The following MTR variants were observed in gnomAD, a reference collection of about 807,000 sequenced individuals.
MTR encodes methionine synthase.
In MTR, 84 loss-of-function variants were observed where a neutral mutation model predicts 154.8. The ratio of observed to expected loss-of-function variants is 0.54; its 90% confidence interval spans 0.45 to 0.65. The LOEUF (loss-of-function observed/expected upper bound fraction) is 0.65, where lower values mean the gene tolerates loss of function less well. Ranked by LOEUF, MTR falls within the 30% of genes least tolerant of loss-of-function variation. MTR has a pLI of 0.00. For synonymous variants in MTR, 554 were observed against 553.9 expected, an observed-to-expected ratio of 1.00 and a Z score of 0.00; for missense variants, 1,275 against 1,570.2, an observed-to-expected ratio of 0.81 and a Z score of 3.18.
chr1:236,810,608 C>G lies in MTR; in HGVS notation c.502+13C>G. 1 of 1,597,140 alleles carries G rather than the reference C, an allele frequency of 6.3e-7. No homozygotes were observed. Among genetic ancestry groups the G allele is most frequent in the Non-Finnish European group, 8.6e-7 (1 of 1,164,762 alleles). ...TATAGGAACATCAGTGAGTATTTAC[C>G]ACATATAATCATTGATCTTGGGGAA... On this transcript the variant is annotated intron_variant, in intron 5 of 32. Transcript: ENST00000366577.
rs886046246 is a variant in MTR, at chr1:236,901,789, C to G, written c.*4145C>G. 7 of 152,222 alleles carry G rather than the reference C, an allele frequency of 4.6e-5. No homozygotes were observed. Among genetic ancestry groups the G allele is most frequent in the Non-Finnish European group, 8.8e-5 (6 of 68,082 alleles). The allele number at this position is 152,222 out of a possible 1,614,324, so 9.4% of individuals were successfully genotyped here. ...ATTCATGAGGGCTCCACCTTCATGA[C>G]CTAATTACCTCCCAAAGATGCCATC... On this transcript the variant is annotated 3_prime_UTR_variant, in exon 33 of 33. Coordinates refer to ENST00000366577, the MANE Select transcript of MTR (RefSeq NM_000254.3).
chr1:236,801,561 G>A (rs765033178), intron 1 of MTR, among the ~76,000 whole-genome samples: 1 of 152,094 alleles, frequency 6.6e-6, no homozygotes, highest in Non-Finnish European at 1.5e-5. Flanking sequence ...TACTGGTTTG[G>A]GTTTTAAATT....
In MTR at chr1:236,808,788, T is replaced by C; in HGVS notation, c.409+15T>C. 1 of 1,613,132 alleles carries C rather than the reference T, an allele frequency of 6.2e-7. No homozygotes were observed. Among genetic ancestry groups the C allele is most frequent in the Non-Finnish European group, 8.5e-7 (1 of 1,179,094 alleles). Reference sequence around the variant, plus strand: ...TCTCCAGACAGGTAGGGAATGTTCTTCTCTTTTTTTGCACACGTGGTTCCT... The same window carrying C: ...TCTCCAGACAGGTAGGGAATGTTCTCCTCTTTTTTTGCACACGTGGTTCCT... On this transcript the variant is annotated intron_variant, in intron 4 of 32. Transcript: ENST00000366577.
chr1:236,884,981 C>T (rs1349073454), intron 25 of MTR, 140 bp from the exon 26 acceptor site: 5 of 692,574 alleles, frequency 7.2e-6, no homozygotes, highest in African/African-American at 3.5e-5. Context: ...TCCTGCACGC[C>T]AGGCAGGAAT....
chr1:236,844,775 C>T (rs969783804), intron 15 of MTR, among the ~76,000 whole-genome samples: 3 of 152,130 alleles, frequency 2.0e-5, no homozygotes, highest in African/African-American at 7.2e-5. Context: ...TCTGTTTTCT[C>T]AGTGAAGTTG....
intron 25 of MTR, among the ~76,000 whole-genome samples, chr1:236,881,122 C>G (rs1370517025): frequency 6.6e-6 from 1 of 152,090 alleles, no homozygotes; most frequent in Non-Finnish European, 1.5e-5. Flanking sequence ...AAGATTTCAC[C>G]CACTCACAAA....
At chr1:236,829,745 G>A (rs1175429306) in intron 12 of MTR, among the ~76,000 whole-genome samples, 2 of 152,184 alleles carry the variant, frequency 1.3e-5, no homozygotes, top group East Asian at 3.8e-4. Flanking sequence ...CTTGTGGTAT[G>A]TATTTTCTCT....
Position 236,825,333 on chromosome 1 carries a change from C to T in MTR, c.866-5C>T, listed in dbSNP as rs1662229401. The T allele has an allele frequency of 6.2e-7, 1 of 1,611,642 alleles. No homozygotes were observed. Among genetic ancestry groups the T allele is most frequent in the East Asian group, 2.2e-5 (1 of 44,850 alleles). Reference sequence around the variant, plus strand: ...TGCAATAATGGTTGAATTATCCTTTCTCAGGTCTTCCCAACACCTTTGGTG... The same window carrying T: ...TGCAATAATGGTTGAATTATCCTTTTTCAGGTCTTCCCAACACCTTTGGTG... On this transcript the variant is annotated splice_region_variant and splice_polypyrimidine_tract_variant and intron_variant, in intron 9 of 32. Coordinates refer to ENST00000366577, the MANE Select transcript of MTR (RefSeq NM_000254.3).
chr1:236,897,300 C>CCACACA (rs1553331006), intron 32 of MTR, among the ~76,000 whole-genome samples, 182 bp downstream of exon 32: 2 of 30,750 alleles, frequency 6.5e-5, no homozygotes, highest in Admixed American at 3.2e-4. Context: ...TACATGCAAG[C>CCACACA]CACACACACG....
rs528257368 is a variant in MTR, at chr1:236,888,540, G to A, written c.2852-641G>A. On this transcript the variant is annotated intron_variant, in intron 27 of 32. Transcript: ENST00000366577. ...AAAACGAAACAATGCAGAGTGAACA[G>A]AGGTTATATTAATTGAATCCATATT... Among the ~76,000 whole-genome samples, 3 of 152,370 alleles carry A rather than the reference G, an allele frequency of 2.0e-5. No individual in the cohort carries two copies. The South Asian group carries it at 6.2e-4, about 32-fold the overall frequency.
intron 18 of MTR, among the ~76,000 whole-genome samples, chr1:236,859,076 C>G (rs1664373836): frequency 2.0e-5 from 3 of 152,224 alleles, no homozygotes; most frequent in Non-Finnish European, 4.4e-5. Flanking sequence ...TTCTTTGGCT[C>G]TAACGGAATA....
chr1:236,897,532 A>G (rs1286034466), intron 32 of MTR, 26 bp from the exon 33 acceptor site: 1 of 1,601,568 alleles, frequency 6.2e-7, no homozygotes, highest in East Asian at 2.2e-5. Flanking sequence ...ATGTTGGTTT[A>G]ATAAAATGCT....
intron 30 of MTR, chr1:236,894,995 C>G (rs1666542766): frequency 2.7e-6 from 1 of 370,520 alleles, no homozygotes; most frequent in African/African-American, 2.1e-5. Flanking sequence ...GGGAGAGCCT[C>G]TCCCTTTTCC....
At chr1:236,896,807 C>A (rs1006956667) in intron 31 of MTR, among the ~76,000 whole-genome samples, 199 bp from the exon 32 acceptor site, 1 of 152,128 alleles carries the variant, frequency 6.6e-6, no homozygotes, top group African/African-American at 2.4e-5. Context: ...TCTGCATGTC[C>A]CGAATTTGTT....
chr1:236,797,974 A>G (rs1416536531), intron 1 of MTR, among the ~76,000 whole-genome samples: 1 of 151,112 alleles, frequency 6.6e-6, no homozygotes, highest in Admixed American at 6.6e-5. Flanking sequence ...AAAACAAAAC[A>G]AAACAAAACA....
At chr1:236,814,228 T>C (rs542392974) in intron 6 of MTR, among the ~76,000 whole-genome samples, 3 of 152,202 alleles carry the variant, frequency 2.0e-5, no homozygotes, top group Non-Finnish European at 4.4e-5. Context: ...GAAATTGTTT[T>C]GTGAATCTGC....
chr1:236,826,668 G>A (rs916903130), intron 10 of MTR, among the ~76,000 whole-genome samples, 161 bp from the exon 11 acceptor site: 1 of 152,146 alleles, frequency 6.6e-6, no homozygotes. Flanking sequence ...CCTATGTCTA[G>A]GGCATGTGAT....
At chr1:236,821,478 A>T (rs898724232) in intron 8 of MTR, among the ~76,000 whole-genome samples, 2 of 152,184 alleles carry the variant, frequency 1.3e-5, no homozygotes, top group Non-Finnish European at 2.9e-5. Context: ...TTATCAGATA[A>T]TGTGTTTTGC....
At chr1:236,869,530 A>G (rs1271714126) in intron 22 of MTR, among the ~76,000 whole-genome samples, 1 of 152,208 alleles carries the variant, frequency 6.6e-6, no homozygotes, top group African/African-American at 2.4e-5. Context: ...AAATACTGTA[A>G]AATCAACAAC....
Sources: allele counts gnomAD v4.1 joint callset (sites outside exome capture counted in the v4.1 genomes callset), GRCh38; gene constraint gnomAD v4.1.1; transcripts MANE v1.5; gene names NCBI Gene and HGNC (gene_info 2026-07-23, HGNC 2026-07-21).